The following NOX4 variants were observed in gnomAD, a reference collection of about 807,000 sequenced individuals.
NOX4 encodes kidney oxidase-1.
Under a neutral mutation model 87.6 loss-of-function variants are expected in NOX4, and 69 were observed. The observed-to-expected ratio is 0.79, with a 90% confidence interval of 0.65 to 0.96. NOX4 has a LOEUF of 0.96. Ranked by LOEUF, NOX4 falls within the 40% of genes least tolerant of loss-of-function variation. NOX4 has a pLI of 0.00. For missense variants in NOX4, 680 were observed against 681.5 expected (o/e 1.00, Z 0.02); for synonymous variants, 275 against 238.2 (o/e 1.15, Z -1.42).
At chr11:89,411,126 G>A (rs1176881807) in intron 8 of NOX4, among the ~76,000 whole-genome samples, 2 of 152,128 alleles carry the variant, frequency 1.3e-5, no homozygotes, top group Non-Finnish European at 2.9e-5. Flanking sequence ...CCCTGGGCAA[G>A]CAAGAAACTT....
In NOX4 at chr11:89,438,422, A is replaced by G. The variant is rs1944205996; in HGVS notation, c.475+2266T>C. On this transcript the variant is annotated intron_variant, in intron 6 of 17. Transcript: ENST00000263317. ...TATAAATAATATATAATATATAATT[A>G]TAATATAATATATACTATGTATATT... Among the ~76,000 whole-genome samples the G allele has an allele frequency of 4.5e-5, 5 of 110,258 alleles. No homozygotes were observed. The South Asian group carries it at 1.3e-3, about 28-fold the overall frequency. The allele number at this position is 110,258 out of a possible 152,430, so 72.3% of individuals were successfully genotyped here. A position where few individuals can be genotyped will look rare whatever the true frequency, so the allele number is the denominator to read the frequency against.
At chr11:89,575,106 C>T in the NOX4 span, among the ~76,000 whole-genome samples, 8 of 152,054 alleles carry the variant, frequency 5.3e-5, no homozygotes, top group African/African-American at 1.4e-4. Flanking sequence ...TTGCTTAAAC[C>T]CAGGAGTCAG....
chr11:89,448,778 G>A (rs920712938), intron 4 of NOX4, among the ~76,000 whole-genome samples: 10 of 152,112 alleles, frequency 6.6e-5, no homozygotes, highest in Non-Finnish European at 1.3e-4. Flanking sequence ...AGCTACTTGG[G>A]AGGCTGAGGT....
rs528270457 is a variant in NOX4, at chr11:89,451,950, C to A, written c.154-55G>T. The A allele has an allele frequency of 1.1e-4, 140 of 1,218,738 alleles. No individual in the cohort carries two copies. The African/African-American group carries it at 1.8e-3, about 15-fold the overall frequency. 75.5% of individuals were successfully genotyped at this position (1,218,738 alleles called of 1,614,324 possible). ...GTTAAGGACAGTAGTAAAGCCCTGT[C>A]CTGGCTCTAGAAGCTAGAGGTCTCA... is the stretch of plus-strand genomic sequence containing the variant. On this transcript the variant is annotated intron_variant, in intron 2 of 17. Coordinates refer to ENST00000263317, the MANE Select transcript of NOX4 (RefSeq NM_016931.5).
Position 89,354,962 on chromosome 11 carries a change from T to A in NOX4, c.1217A>T (p.Lys406Met), listed in dbSNP as rs575738113. The A allele has an allele frequency of 3.8e-6, 6 of 1,578,928 alleles. No individual in the cohort carries two copies. Among genetic ancestry groups the A allele is most frequent in the African/African-American group, 2.7e-5 (2 of 74,254 alleles). Residue 406 changes from lysine (K) to methionine (M), a missense_variant and splice_region_variant, in exon 13 of 18, where the codon AAG becomes ATG. Coordinates refer to ENST00000263317, the MANE Select transcript of NOX4 (RefSeq NM_016931.5). Reference sequence around the variant, plus strand: ...AACCCAGTGAACTCCTTTTGCTTACTTGGGATAATTTCTAGATTGAATGAA... The same window carrying A: ...AACCCAGTGAACTCCTTTTGCTTACATGGGATAATTTCTAGATTGAATGAA... ...LPFIQSRNYP[K>M]LYIDGPFGSP...
At chr11:89,443,502 A>G (rs1944548304) in intron 5 of NOX4, 1 of 152,298 alleles carries the variant, frequency 6.6e-6, no homozygotes, top group African/African-American at 2.4e-5. Context: ...GAAAGCATCA[A>G]CCAACAGAGA....
At chr11:89,544,713 T>G in the NOX4 span, among the ~76,000 whole-genome samples, 20 of 152,236 alleles carry the variant, frequency 1.3e-4, no homozygotes, top group African/African-American at 4.8e-4. Flanking sequence ...AATTTTGTAG[T>G]AAGGTCATGC....
intron 7 of NOX4, among the ~76,000 whole-genome samples, chr11:89,431,660 C>A (rs543995681): frequency 2.6e-5 from 4 of 152,166 alleles, no homozygotes; most frequent in African/African-American, 9.6e-5. Context: ...GATACCATTT[C>A]ACACCAGTTA....
At chr11:89,365,753 C>CAAA (rs1213376592) in intron 12 of NOX4, among the ~76,000 whole-genome samples, 2,489 of 53,530 alleles carry the variant, frequency 0.046, 48 homozygotes, top group East Asian at 0.082. Flanking sequence ...ACCACGCCCA[C>CAAA]AAAAAAAAAA....
At chr11:89,525,381 T>C in the NOX4 span, among the ~76,000 whole-genome samples, 7 of 152,004 alleles carry the variant, frequency 4.6e-5, no homozygotes, top group African/African-American at 1.7e-4. Context: ...AGTCAATATT[T>C]GGTATTATTA....
the NOX4 span, among the ~76,000 whole-genome samples, chr11:89,556,528 A>G: frequency 3.2e-4 from 41 of 126,738 alleles, no homozygotes; most frequent in African/African-American, 1.0e-3. Context: ...ATCAAGGGGA[A>G]GGGAGGGGAA....
intron 8 of NOX4, among the ~76,000 whole-genome samples, chr11:89,415,575 T>C (rs1258351386): frequency 6.6e-6 from 1 of 152,140 alleles, no homozygotes; most frequent in African/African-American, 2.4e-5. Context: ...AATATACATA[T>C]GTGTCTCAAA....
intron 2 of NOX4, among the ~76,000 whole-genome samples, chr11:89,480,079 T>A (rs1396277101): frequency 3.9e-5 from 6 of 152,136 alleles, no homozygotes; most frequent in Non-Finnish European, 8.8e-5. Flanking sequence ...TTGAAAACAA[T>A]CTGCATGTAA....
At chr11:89,345,288 C>A (rs185069401) in intron 13 of NOX4, among the ~76,000 whole-genome samples, 8 of 152,272 alleles carry the variant, frequency 5.3e-5, no homozygotes, top group Admixed American at 3.3e-4. Context: ...CAGGAGTGAG[C>A]TGGTACAGGT....
the NOX4 span, among the ~76,000 whole-genome samples, chr11:89,559,943 G>C: frequency 5.3e-5 from 8 of 152,074 alleles, no homozygotes; most frequent in East Asian, 1.5e-3. Context: ...TCTGCTATGG[G>C]TTGCATTGTG....
At chr11:89,548,336 G>A in the NOX4 span, 54,384 of 152,056 alleles carry the variant, frequency 0.36, 9,874 homozygotes, top group Middle Eastern at 0.41. Flanking sequence ...ATGAGAAGTT[G>A]GTCATCTGCA....
chr11:89,339,400 A>G (rs535449440), intron 15 of NOX4, among the ~76,000 whole-genome samples: 94 of 152,304 alleles, frequency 6.2e-4, no homozygotes, highest in Non-Finnish European at 9.4e-4. Flanking sequence ...AACACTTAAG[A>G]GTTACCTCTG....
chr11:89,335,063 A>T (rs781207659), intron 17 of NOX4, among the ~76,000 whole-genome samples: 10 of 151,800 alleles, frequency 6.6e-5, no homozygotes, highest in Non-Finnish European at 1.5e-4. Context: ...ACAAAATGTC[A>T]ATATCTGCAA....
At chr11:89,398,447 G>T (rs1941633325) in intron 11 of NOX4, among the ~76,000 whole-genome samples, 1 of 151,918 alleles carries the variant, frequency 6.6e-6, no homozygotes, top group African/African-American at 2.4e-5. Context: ...ATTCACCATA[G>T]TGTTGGAAGT....
Sources: gnomAD v4.1 joint callset for allele counts (sites outside exome capture counted in the v4.1 genomes callset) on GRCh38, gnomAD v4.1.1 for gene constraint, MANE v1.5 for transcripts, NCBI Gene and HGNC (gene_info 2026-07-23, HGNC 2026-07-21) for gene names.